Variants in SLC25A21 observed in about 807,000 individuals in gnomAD.
SLC25A21 encodes solute carrier family 25 member 21.
SLC25A21 carries 47 observed loss-of-function variants against 43.8 expected under a neutral mutation model. The ratio of observed to expected loss-of-function variants is 1.07; its 90% CI spans 0.85 to 1.37. The LOEUF is 1.37. SLC25A21 is among the 40% of genes most tolerant of loss of function. The probability of loss-of-function intolerance (pLI) is 0.00; values close to 1 mark genes in which losing one functional copy is unlikely to be tolerated. For synonymous variants in SLC25A21, 131 were observed against 121.3 expected, an observed-to-expected ratio of 1.08 and a Z score of -0.52; for missense variants, 352 against 350.2, an observed-to-expected ratio of 1.00 and a Z score of -0.04.
chr14:36,908,738 G>C (rs1594685192), intron 1 of SLC25A21, among the ~76,000 whole-genome samples: 11 of 152,242 alleles, frequency 7.2e-5, no homozygotes, highest in Admixed American at 7.2e-4. Flanking sequence ...GCAGAGCACA[G>C]AGTGATATGG....
intron 1 of SLC25A21, among the ~76,000 whole-genome samples, chr14:37,139,499 T>C (rs1963536420): frequency 6.6e-6 from 1 of 152,152 alleles, no homozygotes; most frequent in African/African-American, 2.4e-5. Context: ...AAAAAACTGA[T>C]ACCTTTATCC....
chr14:37,099,594 G>A (rs374811399), intron 1 of SLC25A21, among the ~76,000 whole-genome samples: 11 of 151,422 alleles, frequency 7.3e-5, no homozygotes, highest in African/African-American at 1.7e-4. Flanking sequence ...TGTTCCCCCC[G>A]CCACCGACTC....
intron 2 of SLC25A21, among the ~76,000 whole-genome samples, chr14:36,850,640 T>C (rs907871881): frequency 2.0e-5 from 3 of 152,294 alleles, no homozygotes; most frequent in African/African-American, 7.2e-5. Context: ...TGATAGTCCA[T>C]TACATGTTAT....
At chr14:36,888,062 G>A (rs1890973075) in intron 1 of SLC25A21, among the ~76,000 whole-genome samples, 2 of 152,064 alleles carry the variant, frequency 1.3e-5, no homozygotes, top group South Asian at 4.1e-4. Context: ...AAGGAAGCTG[G>A]CAAATGCTAT....
intron 1 of SLC25A21, among the ~76,000 whole-genome samples, chr14:36,935,899 A>T (rs1024376155): frequency 5.3e-5 from 8 of 152,174 alleles, no homozygotes; most frequent in Non-Finnish European, 1.2e-4. Context: ...TTCTCCATTA[A>T]AGAGGGGAAC....
At chr14:36,988,968 A>G (rs1211704683) in intron 1 of SLC25A21, among the ~76,000 whole-genome samples, 3 of 152,268 alleles carry the variant, frequency 2.0e-5, no homozygotes, top group Admixed American at 2.0e-4. Context: ...GAGGTTTAGT[A>G]GCAAAAAGAC....
chr14:37,120,439 TCATCAATACTGCCTTCAGTC>T (rs1218576101), intron 1 of SLC25A21, among the ~76,000 whole-genome samples: 6 of 152,244 alleles, frequency 3.9e-5, no homozygotes, highest in Non-Finnish European at 7.3e-5. Flanking sequence ...TACTTCATGT[TCATCAATACTGCCTTCAGTC>T]CTCCAATAAA....
At chr14:36,912,835 A>G (rs1891730064) in intron 1 of SLC25A21, among the ~76,000 whole-genome samples, 1 of 152,152 alleles carries the variant, frequency 6.6e-6, no homozygotes. Flanking sequence ...ATCACATTCA[A>G]TTCTTATTTT....
At chr14:36,764,617 C>CAA (rs56318041) in intron 3 of SLC25A21, among the ~76,000 whole-genome samples, 2 of 124,298 alleles carry the variant, frequency 1.6e-5, no homozygotes, top group African/African-American at 3.0e-5. Flanking sequence ...ACACACACTC[C>CAA]AAAAAAAAAA....
At chr14:36,814,710 C>T (rs919158892) in intron 2 of SLC25A21, among the ~76,000 whole-genome samples, 21 of 152,188 alleles carry the variant, frequency 1.4e-4, no homozygotes, top group Non-Finnish European at 2.8e-4. Flanking sequence ...AACGCTTTTA[C>T]ACTGTTGGTG....
chr14:37,164,715 T>C (rs1463019792), intron 1 of SLC25A21, among the ~76,000 whole-genome samples: 3 of 152,198 alleles, frequency 2.0e-5, no homozygotes, highest in African/African-American at 7.2e-5. Flanking sequence ...AAAATGAAGA[T>C]ATGTAAGAAA....
In SLC25A21 at chr14:36,764,190, AAGAG is replaced by A. The variant is rs113712610; in HGVS notation, c.204-29621_204-29618del. Among the ~76,000 whole-genome samples the A allele has an allele frequency of 6.6e-4, 47 of 71,474 alleles. 2 individuals are homozygous for A. The South Asian group carries it at 7.5e-3, about 11-fold the overall frequency. 46.9% of individuals were successfully genotyped at this position (71,474 alleles called of 152,430 possible). ...AAAGAAAGAAAGAAAGAAAGAAAGA[AAGAG>A]AAAGAAAGAAACTGTTAGCTTCCCA... On this transcript the variant is annotated intron_variant, in intron 3 of 9. Coordinates refer to ENST00000331299, the MANE Select transcript of SLC25A21 (RefSeq NM_030631.4).
intron 9 of SLC25A21, among the ~76,000 whole-genome samples, chr14:36,681,658 GA>G (rs33939716): frequency 0.22 from 33,877 of 151,962 alleles, 5,599 homozygotes; most frequent in East Asian, 0.51. Flanking sequence ...TTGGCTGCAT[GA>G]AATAGAAGAT....
chr14:37,128,538 CTGTGTGTGTGTGTG>C (rs367948974), intron 1 of SLC25A21, among the ~76,000 whole-genome samples: 21 of 122,706 alleles, frequency 1.7e-4, no homozygotes, highest in African/African-American at 3.8e-4. Context: ...CTCTCTCTCT[CTGTGTGTGTGTGTG>C]TGTGTGTGTG....
At chr14:37,120,379 T>C (rs1963186222) in intron 1 of SLC25A21, among the ~76,000 whole-genome samples, 1 of 152,226 alleles carries the variant, frequency 6.6e-6, no homozygotes, top group Admixed American at 6.5e-5. Flanking sequence ...TTACTATTAA[T>C]GTGTTGCAAA....
At chr14:37,055,035 C>A (rs1961790403) in intron 1 of SLC25A21, among the ~76,000 whole-genome samples, 1 of 152,206 alleles carries the variant, frequency 6.6e-6, no homozygotes, top group South Asian at 2.1e-4. Flanking sequence ...ACCTTCATGG[C>A]TATGCTCCTG....
chr14:36,993,006 A>C (rs932231482), intron 1 of SLC25A21, among the ~76,000 whole-genome samples: 1 of 152,178 alleles, frequency 6.6e-6, no homozygotes, highest in Non-Finnish European at 1.5e-5. Flanking sequence ...CAATTATCTA[A>C]TTACTCACTT....
At chr14:36,768,556 C>CGATT (rs1445887509) in intron 3 of SLC25A21, among the ~76,000 whole-genome samples, 3 of 152,156 alleles carry the variant, frequency 2.0e-5, no homozygotes, top group Non-Finnish European at 2.9e-5. Flanking sequence ...TATATGTAAT[C>CGATT]CCTCAGGCTG....
intron 1 of SLC25A21, among the ~76,000 whole-genome samples, chr14:37,128,021 T>C (rs1005980680): frequency 1.3e-5 from 2 of 152,224 alleles, no homozygotes; most frequent in African/African-American, 2.4e-5. Context: ...AGAAAAGTTA[T>C]GTTACAATCT....
Sources: gnomAD v4.1 joint callset for allele counts (sites outside exome capture counted in the v4.1 genomes callset) on GRCh38, gnomAD v4.1.1 for gene constraint, MANE v1.5 for transcripts, NCBI Gene and HGNC (gene_info 2026-07-23, HGNC 2026-07-21) for gene names.